PXDN: variants seen among roughly 807,000 people sequenced by gnomAD.
PXDN encodes peroxidasin homolog.
Under a neutral mutation model 140.3 loss-of-function variants are expected in PXDN, and 77 were observed. The ratio of observed to expected loss-of-function variants is 0.55; its 90% CI spans 0.46 to 0.66. The LOEUF (loss-of-function observed/expected upper bound fraction) is 0.66, where lower values mean the gene tolerates loss of function less well. Ranked by LOEUF, PXDN falls within the 30% of genes least tolerant of loss-of-function variation. PXDN has a pLI of 0.00. For missense variants in PXDN, 1,838 were observed against 2,039.5 expected, an observed-to-expected ratio of 0.90 and a Z score of 1.90; for synonymous variants, 911 against 857.4, an observed-to-expected ratio of 1.06 and a Z score of -1.09.
chr2:1,678,922 G>T (rs1214129168), intron 7 of PXDN, among the ~76,000 whole-genome samples: 1 of 152,144 alleles, frequency 6.6e-6, no homozygotes, highest in African/African-American at 2.4e-5. Flanking sequence ...AGTACCCCCA[G>T]CCACCAGGCC....
In PXDN at chr2:1,648,681, G is replaced by T; in HGVS notation, c.3099C>A (p.His1033Gln). The change falls in exon 17 of 23, where the codon CAC (histidine) becomes CAA (glutamine). Residue 1033 changes from histidine to glutamine, a missense_variant. Physicochemically the swap from His to Gln is conservative, Grantham distance 24 (BLOSUM62 0). Transcript: ENST00000252804. The surrounding 1 kb of genome is among the most constrained non-coding windows in gnomAD (Gnocchi z 8.9). ...GAEIQHITYQHWLPKILGEVG... is the reference protein window; with the variant it reads ...GAEIQHITYQQWLPKILGEVG... ...CCTCCCCCAGGATCTTCGGGAGCCA[G>T]TGCTGGTAGGTGATGTGCTGGATCT... 6.2e-7 allele frequency: 1 copy of T among 1,608,048 alleles called. No individual in the cohort carries two copies. Among genetic ancestry groups the T allele is most frequent in the South Asian group, 1.1e-5 (1 of 89,770 alleles).
At chr2:1,677,527 G>A (rs895575643) in intron 7 of PXDN, among the ~76,000 whole-genome samples, 1 of 152,164 alleles carries the variant, frequency 6.6e-6, no homozygotes, top group Non-Finnish European at 1.5e-5. Context: ...CAGCTGCCCC[G>A]CCCTTCACCC....
At chr2:1,733,748 C>CAAAAAAAA (rs72208257) in intron 1 of PXDN, among the ~76,000 whole-genome samples, 9,188 of 78,872 alleles carry the variant, frequency 0.12, 1,098 homozygotes, top group East Asian at 0.32. Flanking sequence ...TGTCAAATGA[C>CAAAAAAAA]AAAAAAAAAA....
chr2:1,695,347 T>C (rs1158706951), intron 1 of PXDN, among the ~76,000 whole-genome samples: 910 of 71,604 alleles, frequency 0.013, no homozygotes, highest in Middle Eastern at 0.047. Flanking sequence ...CATCCACAAG[T>C]CCCTGTGCCC....
At chr2:1,659,070 T>A (rs893414802) in intron 14 of PXDN, among the ~76,000 whole-genome samples, 3 of 152,170 alleles carry the variant, frequency 2.0e-5, no homozygotes, top group African/African-American at 7.2e-5. Context: ...CACGAAGGCA[T>A]TTGCTGAACG....
intron 18 of PXDN, among the ~76,000 whole-genome samples, chr2:1,643,824 G>A (rs1028891777): frequency 6.6e-6 from 1 of 152,126 alleles, no homozygotes; most frequent in African/African-American, 2.4e-5. Context: ...TGTAATCCCA[G>A]CACTTTGGGA....
chr2:1,661,566 G>A (rs187835220), intron 13 of PXDN, among the ~76,000 whole-genome samples: 7 of 152,244 alleles, frequency 4.6e-5, no homozygotes, highest in African/African-American at 9.6e-5. Context: ...GACCATCTCC[G>A]CTGAGCACTC....
rs1236782230 is a variant in PXDN, at chr2:1,720,704, TC to T, written c.200+23551del. Among the ~76,000 whole-genome samples the T allele has an allele frequency of 1.0e-3, 64 of 63,680 alleles. 1 individual carries two copies. The highest frequency in any genetic ancestry group is 4.6e-3 in the African/African-American group (63 of 13,766). 41.8% of individuals were successfully genotyped at this position (63,680 alleles called of 152,430 possible). ...ATCTCTTTCTCTCTCTCTCTGCATC[TC>T]TTTCTCTCTCTCTCTCTCTCACACA... On this transcript the variant is annotated intron_variant, in intron 1 of 22. Transcript: ENST00000252804.
intron 1 of PXDN, among the ~76,000 whole-genome samples, chr2:1,709,378 G>A (rs1038900282): frequency 1.3e-5 from 2 of 152,180 alleles, no homozygotes; most frequent in Non-Finnish European, 2.9e-5. Context: ...GGTGTGTGGT[G>A]TTTGCTGAAT....
intron 8 of PXDN, among the ~76,000 whole-genome samples, chr2:1,675,362 T>G (rs1683675483): frequency 1.3e-5 from 2 of 152,196 alleles, no homozygotes; most frequent in Admixed American, 1.3e-4. Context: ...ATCAATTTTT[T>G]CGTATATAAA....
intron 3 of PXDN, among the ~76,000 whole-genome samples, chr2:1,690,469 A>G (rs1684160543): frequency 6.6e-6 from 1 of 152,178 alleles, no homozygotes; most frequent in Non-Finnish European, 1.5e-5. Flanking sequence ...CTGAGTGCAT[A>G]CTAAGTTGCT....
intron 1 of PXDN, among the ~76,000 whole-genome samples, chr2:1,707,415 AAACT>A (rs1435465122): frequency 8.2e-6 from 1 of 122,566 alleles, no homozygotes; most frequent in African/African-American, 2.8e-5. Flanking sequence ...CTAATAATAC[AAACT>A]GAGAGCATGC....
intron 1 of PXDN, among the ~76,000 whole-genome samples, chr2:1,698,464 C>T (rs1308954235): frequency 1.3e-5 from 2 of 152,092 alleles, no homozygotes; most frequent in African/African-American, 4.8e-5. Context: ...CACTAAGGCA[C>T]AGCACATGAA....
At chr2:1,690,393 G>A (rs1265669282) in intron 3 of PXDN, among the ~76,000 whole-genome samples, 1 of 152,182 alleles carries the variant, frequency 6.6e-6, no homozygotes, top group Non-Finnish European at 1.5e-5. Context: ...GAGGTCGGAA[G>A]AGGGTTATTG....
intron 1 of PXDN, among the ~76,000 whole-genome samples, chr2:1,724,160 G>T (rs1019772055): frequency 6.6e-6 from 1 of 152,208 alleles, no homozygotes; most frequent in Non-Finnish European, 1.5e-5. Flanking sequence ...AATTCTCAGT[G>T]AAGAAATCTT....
chr2:1,736,626 C>A (rs1402521741), intron 1 of PXDN, among the ~76,000 whole-genome samples: 5 of 151,898 alleles, frequency 3.3e-5, no homozygotes, highest in African/African-American at 1.2e-4. Flanking sequence ...TGAAGACCAG[C>A]CTGGGCAAAT....
rs1177062871 is a variant in PXDN at position 1,714,713 on chromosome 2, T to C, written c.201-21579A>G. On this transcript the variant is annotated intron_variant, in intron 1 of 22. Coordinates refer to ENST00000252804, the MANE Select transcript of PXDN (RefSeq NM_012293.3). This position sits in a 1 kb window ranked among gnomAD's most constrained non-coding sequence, Gnocchi z 4.3. ...TTATGGTGCTGAAATTCCAATTTCATAAAATGTCCACAGCATGAAATATTT... is the reference window on the plus strand; with the variant it reads ...TTATGGTGCTGAAATTCCAATTTCACAAAATGTCCACAGCATGAAATATTT... 2.0e-5 allele frequency among the ~76,000 whole-genome samples: 3 copies of C among 152,224 alleles called. No individual in the cohort carries two copies. The highest frequency in any genetic ancestry group is 4.4e-5 in the Non-Finnish European group (3 of 68,036).
chr2:1,742,402 G>A (rs1685566831), intron 1 of PXDN, among the ~76,000 whole-genome samples: 1 of 152,200 alleles, frequency 6.6e-6, no homozygotes, highest in East Asian at 1.9e-4. Flanking sequence ...TACCCTATGA[G>A]GAAGTGTTGT....
intron 16 of PXDN, among the ~76,000 whole-genome samples, chr2:1,650,143 C>A (rs1295356636): frequency 6.6e-6 from 1 of 152,196 alleles, no homozygotes; most frequent in East Asian, 1.9e-4. Context: ...CCTGTCACTG[C>A]ACATCTCGGT....
Sources: allele counts gnomAD v4.1 joint callset (sites outside exome capture counted in the v4.1 genomes callset), GRCh38; gene constraint gnomAD v4.1.1; non-coding constraint Gnocchi (gnomAD v3.1); transcripts MANE v1.5; gene names NCBI Gene and HGNC (gene_info 2026-07-23, HGNC 2026-07-21).